The following LDLRAD3 variants were observed in gnomAD, a reference collection of about 807,000 sequenced individuals.
The protein encoded by LDLRAD3 is low-density lipoprotein receptor class A domain-containing protein 3.
LDLRAD3 carries 20 observed loss-of-function variants against 29.4 expected under a neutral mutation model. The ratio of observed to expected loss-of-function variants is 0.68; its 90% confidence interval spans 0.48 to 0.99. The LOEUF (loss-of-function observed/expected upper bound fraction) is 0.99. LDLRAD3 is among the 50% of genes least tolerant of loss of function. LDLRAD3 has a pLI of 0.00. For synonymous variants in LDLRAD3, 157 were observed against 192.7 expected (o/e 0.81, Z 1.53); for missense variants, 420 against 454.3 (o/e 0.92, Z 0.69).
intron 1 of LDLRAD3, among the ~76,000 whole-genome samples, chr11:35,989,186 G>A (rs569065885): frequency 4.0e-5 from 6 of 151,372 alleles, no homozygotes; most frequent in Admixed American, 2.6e-4. Flanking sequence ...GGCTGTAGGT[G>A]TGCAGGTTTA....
At chr11:36,089,470 C>T (rs998599668) in intron 3 of LDLRAD3, among the ~76,000 whole-genome samples, 1 of 151,328 alleles carries the variant, frequency 6.6e-6, no homozygotes, top group African/African-American at 2.4e-5. Context: ...GCTCTGTCTC[C>T]AGGCTGGAGT....
intron 1 of LDLRAD3, among the ~76,000 whole-genome samples, chr11:35,954,247 T>C (rs1224773655): frequency 2.0e-5 from 3 of 152,202 alleles, no homozygotes; most frequent in Non-Finnish European, 4.4e-5. Flanking sequence ...TGGTACAAAA[T>C]ATGAATGTAT....
intron 4 of LDLRAD3, among the ~76,000 whole-genome samples, chr11:36,167,655 C>A (rs1373838690): frequency 6.6e-6 from 1 of 152,166 alleles, no homozygotes; most frequent in African/African-American, 2.4e-5. Flanking sequence ...GAGGAAGAGA[C>A]AAGGAAGGAC....
chr11:36,187,949 G>T (rs369541207), intron 4 of LDLRAD3, among the ~76,000 whole-genome samples: 71 of 152,282 alleles, frequency 4.7e-4, no homozygotes, highest in African/African-American at 1.7e-3. Flanking sequence ...TTTTTGAAGT[G>T]CTTTCACAGT....
At chr11:36,130,341 C>A (rs1853907652) in intron 4 of LDLRAD3, among the ~76,000 whole-genome samples, 1 of 152,088 alleles carries the variant, frequency 6.6e-6, no homozygotes, top group African/African-American at 2.4e-5. Flanking sequence ...ATAGAACTCA[C>A]AAATGAAGTG....
At chr11:36,091,864 A>G (rs1853286657) in intron 3 of LDLRAD3, among the ~76,000 whole-genome samples, 3 of 152,202 alleles carry the variant, frequency 2.0e-5, no homozygotes, top group Non-Finnish European at 4.4e-5. Flanking sequence ...TTGAGCATTT[A>G]CTATTTCCAG....
chr11:36,154,408 T>C, intron 4 of LDLRAD3, among the ~76,000 whole-genome samples: 1 of 152,156 alleles, frequency 6.6e-6, no homozygotes, highest in South Asian at 2.1e-4. Flanking sequence ...ACTTATTCCC[T>C]TTGTACCCAA....
intron 1 of LDLRAD3, among the ~76,000 whole-genome samples, chr11:35,976,795 T>G (rs1038636902): frequency 6.6e-6 from 1 of 152,104 alleles, no homozygotes; most frequent in African/African-American, 2.4e-5. Flanking sequence ...AGAGTCTATT[T>G]TAGTTGAATT....
intron 4 of LDLRAD3, among the ~76,000 whole-genome samples, chr11:36,170,334 G>A (rs11033476): frequency 0.25 from 10,540 of 41,394 alleles, 594 homozygotes; most frequent in East Asian, 0.55. Context: ...ATATATGTAC[G>A]TATATACGTA....
At chr11:36,215,209 C>T (rs1051544392) in intron 4 of LDLRAD3, among the ~76,000 whole-genome samples, 17 of 152,114 alleles carry the variant, frequency 1.1e-4, no homozygotes, top group Non-Finnish European at 2.1e-4. Context: ...GGGTCTGCAG[C>T]AGCAGCCAGG....
Position 36,123,424 on chromosome 11 carries a change from C to A in LDLRAD3, c.454+24963C>A, listed in dbSNP as rs183951776. 1.3e-4 allele frequency among the ~76,000 whole-genome samples: 20 copies of A among 152,306 alleles called. No individual in the cohort carries two copies. In the East Asian group the frequency reaches 3.3e-3, roughly 25 times the overall value. ...TTTCTCCTGGGAGCAATGTGCTGCC[C>A]CACAGCATGGTTTTCTCCTGGCAGT... On this transcript the variant is annotated intron_variant, in intron 4 of 5. Transcript: ENST00000315571.
chr11:36,168,883 T>C (rs1329439330), intron 4 of LDLRAD3, among the ~76,000 whole-genome samples: 1 of 152,214 alleles, frequency 6.6e-6, no homozygotes, highest in African/African-American at 2.4e-5. Context: ...CTTTCAGGAC[T>C]GCCTGGAGAT....
chr11:36,145,713 C>G (rs976109096), intron 4 of LDLRAD3, among the ~76,000 whole-genome samples: 6 of 150,970 alleles, frequency 4.0e-5, no homozygotes, highest in African/African-American at 1.5e-4. Context: ...TACCCCCAAC[C>G]CTGTGCTCTC....
chr11:36,229,232 C>G lies in LDLRAD3; in HGVS notation c.873C>G (p.Pro291=). 6.2e-7 allele frequency: 1 copy of G among 1,614,126 alleles called. No homozygotes were observed. The highest frequency in any genetic ancestry group is 1.1e-5 in the South Asian group (1 of 91,082). The change falls in exon 6 of 6, where the codon CCC becomes CCG. Residue 291 remains proline (P), a synonymous_variant. Coordinates refer to ENST00000315571, the MANE Select transcript of LDLRAD3 (RefSeq NM_174902.4). Reference sequence around the variant, plus strand: ...AATCTCTGAACCAAGCCGACCTGCCCCCCTACCGCTCCCGGTCCGGGAGTG... The same window carrying G: ...AATCTCTGAACCAAGCCGACCTGCCGCCCTACCGCTCCCGGTCCGGGAGTG... ...DTESLNQADL[P]PYRSRSGSAN...
At chr11:36,098,298 T>C in intron 3 of LDLRAD3, 29 bp from the exon 4 acceptor site, 1 of 1,612,816 alleles carries the variant, frequency 6.2e-7, no homozygotes, top group Non-Finnish European at 8.5e-7. Flanking sequence ...CTGGCCTCCC[T>C]GGTAATGTGC....
At chr11:35,948,228 T>G (rs1484360097) in intron 1 of LDLRAD3, among the ~76,000 whole-genome samples, 1 of 152,234 alleles carries the variant, frequency 6.6e-6, no homozygotes, top group African/African-American at 2.4e-5. Context: ...ACCATGGAGA[T>G]GCCTTGGAGT....
chr11:36,057,231 G>A (rs761753372), intron 2 of LDLRAD3, among the ~76,000 whole-genome samples: 6 of 152,182 alleles, frequency 3.9e-5, no homozygotes, highest in African/African-American at 1.4e-4. Context: ...TCCTGTGATC[G>A]TCAGGGTCCC....
At chr11:36,008,267 T>G (rs530314508) in intron 1 of LDLRAD3, among the ~76,000 whole-genome samples, 7 of 152,258 alleles carry the variant, frequency 4.6e-5, no homozygotes, top group African/African-American at 1.7e-4. Context: ...AAAAAGCCAT[T>G]TGAATGTGCA....
Position 36,060,716 on chromosome 11 carries a change from T to C in LDLRAD3, c.194-20937T>C, listed in dbSNP as rs947837239. The stretch of plus-strand genomic sequence containing the variant: ...CTAATGTTCTGGATACTTCTCTCCA[T>C]CCTCACTATTGATCATGCTTCCTTT... On this transcript the variant is annotated intron_variant, in intron 2 of 5. Transcript: ENST00000315571. 3.9e-5 allele frequency among the ~76,000 whole-genome samples: 6 copies of C among 152,238 alleles called. No homozygotes were observed. In the East Asian group the frequency reaches 1.2e-3, roughly 29 times the overall value.
Sources: allele counts gnomAD v4.1 joint callset (sites outside exome capture counted in the v4.1 genomes callset), GRCh38; gene constraint gnomAD v4.1.1; transcripts MANE v1.5; gene names NCBI Gene and HGNC (gene_info 2026-07-23, HGNC 2026-07-21).